The following DAB1 variants were observed in gnomAD, a reference collection of about 807,000 sequenced individuals.
DAB1 encodes the protein DAB adaptor protein 1.
Under a neutral mutation model 64.6 loss-of-function variants are expected in DAB1, and 15 were observed. The ratio of observed to expected loss-of-function variants is 0.23; its 90% CI spans 0.16 to 0.36. DAB1 has a LOEUF of 0.36. Ranked by LOEUF, DAB1 falls within the 10% of genes least tolerant of loss-of-function variation. The probability of loss-of-function intolerance (pLI) is 1.00; values close to 1 mark genes in which losing one functional copy is unlikely to be tolerated. For missense variants in DAB1, 596 were observed against 706.7 expected (o/e 0.84, Z 1.78); for synonymous variants, 235 against 251.9 (o/e 0.93, Z 0.64).
intron 7 of DAB1, among the ~76,000 whole-genome samples, chr1:57,435,046 C>CTTTTTTTTTTTTTTT (rs71580850): frequency 1.8e-4 from 17 of 93,082 alleles, no homozygotes; most frequent in Non-Finnish European, 2.2e-4. Context: ...TTCTTTTTTT[C>CTTTTTTTTTTTTTTT]TTTTTTTTTT....
chr1:57,468,916 C>A (rs1447355022), intron 7 of DAB1, among the ~76,000 whole-genome samples: 1 of 152,124 alleles, frequency 6.6e-6, no homozygotes, highest in Non-Finnish European at 1.5e-5. Context: ...TGTAAGGTTA[C>A]AGAGATGAAT....
intron 3 of DAB1, among the ~76,000 whole-genome samples, chr1:58,478,754 A>G (rs1395632010): frequency 6.6e-6 from 1 of 152,184 alleles, no homozygotes; most frequent in Non-Finnish European, 1.5e-5. Context: ...CCCTATCTGA[A>G]TTATAGAAAA....
intron 7 of DAB1, among the ~76,000 whole-genome samples, chr1:57,496,543 G>T (rs1425246130): frequency 6.6e-6 from 1 of 152,204 alleles, no homozygotes; most frequent in East Asian, 1.9e-4. Flanking sequence ...TGATTGGCAT[G>T]CCAATCCTGA....
chr1:57,973,428 C>A (rs1014025713), intron 5 of DAB1, among the ~76,000 whole-genome samples: 1 of 152,140 alleles, frequency 6.6e-6, no homozygotes, highest in African/African-American at 2.4e-5. Flanking sequence ...AGATTTGTGG[C>A]AATTTGTTAC....
At chr1:57,058,727 C>T (rs80179779) in intron 9 of DAB1, among the ~76,000 whole-genome samples, 2,921 of 152,262 alleles carry the variant, frequency 0.019, 104 homozygotes, top group African/African-American at 0.067. Flanking sequence ...GACCAAAGAC[C>T]GAATAGAGCA....
intron 2 of DAB1, among the ~76,000 whole-genome samples, chr1:57,219,958 A>C (rs1221679122): frequency 6.6e-6 from 1 of 152,192 alleles, no homozygotes; most frequent in East Asian, 1.9e-4. Flanking sequence ...GTTTAAAGCC[A>C]CTAAGTCTGT....
chr1:57,777,046 T>A (rs1031118905), intron 6 of DAB1, among the ~76,000 whole-genome samples: 1 of 151,342 alleles, frequency 6.6e-6, no homozygotes, highest in Non-Finnish European at 1.5e-5. Flanking sequence ...TCCAATATTG[T>A]CTTAATTTTG....
intron 4 of DAB1, among the ~76,000 whole-genome samples, chr1:58,236,398 C>G (rs1328581990): frequency 6.6e-6 from 1 of 151,860 alleles, no homozygotes; most frequent in Non-Finnish European, 1.5e-5. Context: ...GGACCCAAGA[C>G]GAGTGTCGAT....
intron 7 of DAB1, among the ~76,000 whole-genome samples, chr1:57,482,946 T>C (rs529250045): frequency 6.6e-6 from 1 of 152,308 alleles, no homozygotes; most frequent in African/African-American, 2.4e-5. Flanking sequence ...GTAAGTGTTT[T>C]TCAGGAAGTA....
intron 7 of DAB1, among the ~76,000 whole-genome samples, chr1:57,475,847 C>G (rs1643929241): frequency 6.6e-6 from 1 of 152,194 alleles, no homozygotes; most frequent in South Asian, 2.1e-4. Context: ...AGACAAACCA[C>G]AAGGCCTGGC....
At chr1:58,024,548 C>A (rs1646861251) in intron 5 of DAB1, among the ~76,000 whole-genome samples, 1 of 152,174 alleles carries the variant, frequency 6.6e-6, no homozygotes, top group Admixed American at 6.5e-5. Flanking sequence ...TCATGGGCTA[C>A]AGTAATATAG....
At chr1:57,153,572 T>C (rs1229195362) in intron 2 of DAB1, among the ~76,000 whole-genome samples, 1 of 152,128 alleles carries the variant, frequency 6.6e-6, no homozygotes, top group Non-Finnish European at 1.5e-5. Flanking sequence ...ATCATCCATT[T>C]TGGTTTTTTT....
At chr1:57,547,603 A>T (rs1644870081) in intron 7 of DAB1, among the ~76,000 whole-genome samples, 1 of 152,224 alleles carries the variant, frequency 6.6e-6, no homozygotes, top group African/African-American at 2.4e-5. Context: ...AGAGACAGGG[A>T]GTTGACTGAA....
intron 3 of DAB1, among the ~76,000 whole-genome samples, chr1:58,387,718 TTTTC>T (rs1456167961): frequency 6.4e-5 from 5 of 78,490 alleles, no homozygotes; most frequent in African/African-American, 3.0e-4. Flanking sequence ...TTTTCTTTTC[TTTTC>T]TTTTTTTTTT....
At chr1:58,058,168 A>ATGCTGACTAGTACTCATTAAG (rs1553156474) in intron 5 of DAB1, among the ~76,000 whole-genome samples, 1 of 152,084 alleles carries the variant, frequency 6.6e-6, no homozygotes, top group African/African-American at 2.4e-5. Context: ...GTATGTGTTA[A>ATGCTGACTAGTACTCATTAAG]TGCTGACTAG....
chr1:57,290,861 T>A, intron 2 of DAB1, 103 bp downstream of exon 2: 1 of 628,260 alleles, frequency 1.6e-6, no homozygotes, highest in Non-Finnish European at 2.7e-6. Flanking sequence ...TATTTAAAAA[T>A]ATATGCAATC....
At chr1:57,908,289 A>T (rs1644587740) in intron 5 of DAB1, among the ~76,000 whole-genome samples, 1 of 152,068 alleles carries the variant, frequency 6.6e-6, no homozygotes, top group Admixed American at 6.6e-5. Context: ...ATGATGCCTG[A>T]TTGGAGTTAC....
intron 1 of DAB1, among the ~76,000 whole-genome samples, chr1:57,332,921 C>T (rs1026119315): frequency 3.3e-5 from 5 of 152,176 alleles, no homozygotes; most frequent in African/African-American, 9.7e-5. Flanking sequence ...CATCCCACAC[C>T]GTCTTCTGCT....
intron 6 of DAB1, among the ~76,000 whole-genome samples, chr1:57,679,245 T>C (rs1646607951): frequency 6.6e-6 from 1 of 152,096 alleles, no homozygotes; most frequent in African/African-American, 2.4e-5. Flanking sequence ...CAAGGGAGGA[T>C]GAGGTAGGGA....
Sources: allele counts gnomAD v4.1 joint callset (sites outside exome capture counted in the v4.1 genomes callset), GRCh38; gene constraint gnomAD v4.1.1; transcripts MANE v1.5; gene names NCBI Gene and HGNC (gene_info 2026-07-23, HGNC 2026-07-21).